The following PLEKHA1 variants were observed in gnomAD, a reference collection of about 807,000 sequenced individuals.
PLEKHA1 encodes pleckstrin homology domain-containing family A member 1.
In PLEKHA1, 34 loss-of-function variants were observed where a neutral mutation model predicts 52.0. The observed-to-expected ratio is 0.65, with a 90% CI of 0.50 to 0.87. The LOEUF (loss-of-function observed/expected upper bound fraction) is 0.87. Ranked by LOEUF, PLEKHA1 falls within the 40% of genes least tolerant of loss-of-function variation. The pLI, the probability that PLEKHA1 is intolerant of heterozygous loss-of-function variation, is 0.00. For missense variants in PLEKHA1, 497 were observed against 504.2 expected (o/e 0.99, Z 0.14); for synonymous variants, 163 against 170.7 (o/e 0.95, Z 0.35).
At chr10:122,416,593 CTG>C (rs2133204418) in intron 7 of PLEKHA1, among the ~76,000 whole-genome samples, 1 of 152,248 alleles carries the variant, frequency 6.6e-6, no homozygotes, top group African/African-American at 2.4e-5. Flanking sequence ...TTAGTAAAAG[CTG>C]TTATGGGTTA....
chr10:122,406,978 A>G (rs898012861), intron 5 of PLEKHA1, among the ~76,000 whole-genome samples: 1 of 152,088 alleles, frequency 6.6e-6, no homozygotes, highest in African/African-American at 2.4e-5. Context: ...TACCGGGAGG[A>G]TATATATTTT....
chr10:122,389,282 G>A (rs1256647225), intron 1 of PLEKHA1, among the ~76,000 whole-genome samples: 1 of 152,228 alleles, frequency 6.6e-6, no homozygotes, highest in East Asian at 1.9e-4. Context: ...GTGTTAACAG[G>A]TGTGGAAACA....
At position 122,430,744 on chromosome 10, in the gene PLEKHA1, C is replaced by G. The variant is rs1166704988; in HGVS notation, c.*806C>G. On this transcript the variant is annotated 3_prime_UTR_variant, in exon 12 of 12. Transcript: ENST00000368990. ...CTATATTTGGATTGGTGAAAGACCT[C>G]AAGTTTATATGTAAAGACATAACTG... 6.6e-6 allele frequency: 1 copy of G among 152,172 alleles called. No individual in the cohort carries two copies. Among genetic ancestry groups the G allele is most frequent in the Non-Finnish European group, 1.5e-5 (1 of 68,036 alleles). The allele number at this position is 152,172 out of a possible 1,614,324, so 9.4% of individuals were successfully genotyped here. A position where few individuals can be genotyped will look rare whatever the true frequency, so the allele number is the denominator to read the frequency against.
At chr10:122,406,274 A>G (rs533960947) in intron 4 of PLEKHA1, among the ~76,000 whole-genome samples, 2 of 152,360 alleles carry the variant, frequency 1.3e-5, no homozygotes, top group South Asian at 2.1e-4. Flanking sequence ...ATATATGTAT[A>G]TGATGTTTCA....
intron 4 of PLEKHA1, among the ~76,000 whole-genome samples, chr10:122,401,556 G>C (rs1459381013): frequency 1.3e-5 from 2 of 152,124 alleles, no homozygotes; most frequent in Non-Finnish European, 2.9e-5. Flanking sequence ...AGAAATCAGG[G>C]AGAGCTGGTT....
chr10:122,376,111 A>T (rs1486651334), intron 1 of PLEKHA1, among the ~76,000 whole-genome samples: 1 of 152,216 alleles, frequency 6.6e-6, no homozygotes, highest in Non-Finnish European at 1.5e-5. Flanking sequence ...GGTAAGAGTT[A>T]TGTGATTGTT....
chr10:122,420,429 A>G (rs1380163571), intron 8 of PLEKHA1: 1 of 152,178 alleles, frequency 6.6e-6, no homozygotes, highest in African/African-American at 2.4e-5. Context: ...CCTAGATGTC[A>G]TAATTGTTAA....
chr10:122,417,825 C>G (rs1170515463), intron 7 of PLEKHA1, 75 bp from the exon 8 acceptor site: 2 of 1,102,868 alleles, frequency 1.8e-6, no homozygotes, highest in Non-Finnish European at 1.4e-6. Context: ...GGGTTCATAT[C>G]AGGGTAATTA....
chr10:122,397,411 G>C (rs2901308), intron 2 of PLEKHA1, among the ~76,000 whole-genome samples: 3,272 of 151,684 alleles, frequency 0.022, 103 homozygotes, highest in African/African-American at 0.075. Context: ...ACATTTTTTT[G>C]TGGAAAAAAA....
downstream of PLEKHA1, chr10:122,436,825 T>C (rs997648686): frequency 1.3e-5 from 2 of 152,102 alleles, no homozygotes; most frequent in Admixed American, 1.3e-4. Context: ...TTCTAAATGT[T>C]GATTCAGGGG....
chr10:122,428,556 GAA>G (rs1436177112), intron 11 of PLEKHA1: 1 of 795,052 alleles, frequency 1.3e-6, no homozygotes, highest in African/African-American at 1.8e-5. Flanking sequence ...TTTACTAACA[GAA>G]AGAGACATTA....
At position 122,397,095 on chromosome 10, in the gene PLEKHA1, C is replaced by T. The variant is rs117304075; in HGVS notation, c.142-823C>T. ...AATCTTACAGGACACTGCATTACAGCCCCACATAGCCCCCCTCTCTCTTTC... is the reference window on the plus strand; with the variant it reads ...AATCTTACAGGACACTGCATTACAGTCCCACATAGCCCCCCTCTCTCTTTC... On this transcript the variant is annotated intron_variant, in intron 2 of 11. Coordinates refer to ENST00000368990, the MANE Select transcript of PLEKHA1 (RefSeq NM_001001974.4). 7.0e-4 allele frequency among the ~76,000 whole-genome samples: 107 copies of T among 152,164 alleles called. 1 individual carries two copies. The East Asian group carries it at 0.02, about 28-fold the overall frequency.
intron 1 of PLEKHA1, among the ~76,000 whole-genome samples, chr10:122,376,173 A>G (rs984637027): frequency 6.6e-6 from 1 of 152,166 alleles, no homozygotes; most frequent in African/African-American, 2.4e-5. Context: ...GACCCGTTAT[A>G]TTAAAATAAT....
At chr10:122,428,206 A>G in intron 11 of PLEKHA1, 1 of 1,369,172 alleles carries the variant, frequency 7.3e-7, no homozygotes, top group East Asian at 2.7e-5. Context: ...GACTGTCAGC[A>G]CAACTTTCTC....
downstream of PLEKHA1, chr10:122,436,175 T>A (rs933616817): frequency 6.6e-6 from 1 of 151,342 alleles, no homozygotes; most frequent in Admixed American, 6.6e-5. Flanking sequence ...ACACACTACT[T>A]CTACTGTCTC....
chr10:122,412,956 A>G lies in PLEKHA1; in HGVS notation c.379A>G (p.Asn127Asp). ...KQSDSQPNSDNLSRHGECGKK... is the reference protein window; with the variant it reads ...KQSDSQPNSDDLSRHGECGKK... The stretch of plus-strand genomic sequence containing the variant: ...GTCAGACTCACAGCCTAATTCTGAT[A>G]ACCTAAGTCGCCATGGTGAATGTGG... Residue 127 changes from asparagine to aspartate, a missense_variant, in exon 6 of 12, where the codon AAC (asparagine) becomes GAC (aspartate). By Grantham distance (23) the Asn-to-Asp change is conservative (BLOSUM62 1). Coordinates refer to ENST00000368990, the MANE Select transcript of PLEKHA1 (RefSeq NM_001001974.4). 6.2e-7 allele frequency: 1 copy of G among 1,613,576 alleles called. No homozygotes were observed. Among genetic ancestry groups the G allele is most frequent in the Non-Finnish European group, 8.5e-7 (1 of 1,179,628 alleles).
intron 1 of PLEKHA1, among the ~76,000 whole-genome samples, chr10:122,389,464 C>A (rs1042048267): frequency 1.3e-5 from 2 of 152,174 alleles, no homozygotes; most frequent in Non-Finnish European, 2.9e-5. Context: ...CTTTGGGAGG[C>A]CAAGGCAAGC....
intron 1 of PLEKHA1, chr10:122,386,829 A>G (rs926963814): frequency 6.6e-5 from 10 of 152,136 alleles, no homozygotes; most frequent in Admixed American, 3.3e-4. Context: ...CATATGAACT[A>G]TTTCTAGGCT....
At chr10:122,400,183 T>G (rs2096908132) in intron 3 of PLEKHA1, among the ~76,000 whole-genome samples, 160 bp from the exon 4 acceptor site, 1 of 152,254 alleles carries the variant, frequency 6.6e-6, no homozygotes, top group South Asian at 2.1e-4. Flanking sequence ...CCTATGTATT[T>G]AAATTTGCCA....
Sources: allele counts gnomAD v4.1 joint callset (sites outside exome capture counted in the v4.1 genomes callset), GRCh38; gene constraint gnomAD v4.1.1; transcripts MANE v1.5; gene names NCBI Gene and HGNC (gene_info 2026-07-23, HGNC 2026-07-21).